The following UROD variants were observed in gnomAD, a reference collection of about 807,000 sequenced individuals.
UROD encodes the protein uroporphyrinogen decarboxylase.
Under a neutral mutation model 47.1 loss-of-function variants are expected in UROD, and 34 were observed. The ratio of observed to expected loss-of-function variants is 0.72; its 90% CI spans 0.55 to 0.96. UROD has a LOEUF of 0.96. Among genes scored for constraint, UROD ranks in the 40% least tolerant of loss-of-function variants. The probability of loss-of-function intolerance (pLI) is 0.00; values close to 1 mark genes in which losing one functional copy is unlikely to be tolerated. For synonymous variants in UROD, 148 were observed against 175.8 expected, an observed-to-expected ratio of 0.84 and a Z score of 1.25; for missense variants, 381 against 471.8, an observed-to-expected ratio of 0.81 and a Z score of 1.78.
Position 45,013,528 on chromosome 1 carries a change from T to G in UROD, c.277-66T>G. ...ATTCTCCTTTTCCTTCCTCCTGGAA[T>G]GAGCTGAACAGAACCTTTCCTCCTG... On this transcript the variant is annotated intron_variant, in intron 4 of 9. Transcript: ENST00000246337. This position sits in a 1 kb window ranked among gnomAD's most constrained non-coding sequence, Gnocchi z 4.2. The G allele has an allele frequency of 6.2e-7, 1 of 1,610,964 alleles. No homozygotes were observed.
At position 45,013,734 on chromosome 1, in the gene UROD, C is replaced by T. The variant is rs961170483; in HGVS notation, c.417C>T (p.Thr139=). Residue 139 remains threonine, a synonymous_variant, in exon 5 of 10, where the codon ACC becomes ACT. Transcript: ENST00000246337. This position sits in a 1 kb window ranked among gnomAD's most constrained non-coding sequence, Gnocchi z 4.2. The stretch of plus-strand genomic sequence containing the variant: ...TAGGCTATGTGTTCCAAGCCATCAC[C>T]CTTACCCGACAACGACTGGCTGGAC... The part of the protein sequence containing the change: ...SELGYVFQAI[T]LTRQRLAGRV... The T allele has an allele frequency of 6.2e-7, 1 of 1,614,144 alleles. No homozygotes were observed. Among genetic ancestry groups the T allele is most frequent in the Non-Finnish European group, 8.5e-7 (1 of 1,180,018 alleles).
At position 45,014,017 on chromosome 1, in the gene UROD, C is replaced by G. The variant is rs121918064; in HGVS notation, c.583C>G (p.Leu195Val). The G allele has an allele frequency of 4.3e-6, 7 of 1,614,148 alleles. No individual in the cohort carries two copies. Among genetic ancestry groups the G allele is most frequent in the Admixed American group, 1.7e-5 (1 of 60,004 alleles). Residue 195 changes from leucine (L) to valine (V), a missense_variant, in exon 6 of 10, where the codon CTC becomes GTC. Leu to Val is a conservative substitution (Grantham distance 32, BLOSUM62 1). Coordinates refer to ENST00000246337, the MANE Select transcript of UROD (RefSeq NM_000374.5). ...PQASHQLLRI[L>V]TDALVPYLVG... ...GGCTAGTCACCAGCTGCTTCGCATC[C>G]TCACTGATGCTCTGGTCCCATATCT...
chr1:45,012,885 C>A, intron 1 of UROD, 22 bp from the exon 2 acceptor site: 2 of 1,613,234 alleles, frequency 1.2e-6, no homozygotes, highest in South Asian at 2.2e-5. Flanking sequence ...GACACCTACC[C>A]CCACCCCCAC....
At chr1:45,014,358 G>A (rs1210876117) in intron 6 of UROD, 81 bp from the exon 7 acceptor site, 25 of 1,608,318 alleles carry the variant, frequency 1.6e-5, no homozygotes, top group Non-Finnish European at 2.0e-5. Flanking sequence ...AGTCATTTGG[G>A]GAAAATTGAG....
At chr1:45,015,289 CA>C in intron 9 of UROD, 47 bp from the exon 10 acceptor site, 1 of 1,610,158 alleles carries the variant, frequency 6.2e-7, no homozygotes, top group South Asian at 1.1e-5. Context: ...ATAGGGAGGA[CA>C]AAGGCTTGCT....
At position 45,015,525 on chromosome 1, in the gene UROD, C is replaced by T; in HGVS notation, c.*27C>T. 6.2e-7 allele frequency: 1 copy of T among 1,614,194 alleles called. No homozygotes were observed. The highest frequency in any genetic ancestry group is 1.7e-5 in the Admixed American group (1 of 60,028). On this transcript the variant is annotated 3_prime_UTR_variant, in exon 10 of 10. Transcript: ENST00000246337. ...TGTATACCTTTACCCTCAAGTACCA[C>T]TAACACAGATGATTGATCGTTTCCA...
chr1:45,012,289 A>G lies in UROD; in HGVS notation c.20+4A>G, dbSNP rs1212396401. 1.2e-6 allele frequency: 2 copies of G among 1,614,038 alleles called. No homozygotes were observed. The highest frequency in any genetic ancestry group is 1.7e-6 in the Non-Finnish European group (2 of 1,180,004). On this transcript the variant is annotated splice_donor_region_variant and intron_variant, in intron 1 of 9. Transcript: ENST00000246337. ...CCATGGAAGCGAATGGGTTGGGGTG[A>G]GTTCTCCAGAGCACGCGGTGTGGCT...
chr1:45,013,550 C>G lies in UROD; in HGVS notation c.277-44C>G. 2 of 1,613,456 alleles carry G rather than the reference C, an allele frequency of 1.2e-6. No homozygotes were observed. The highest frequency in any genetic ancestry group is 1.7e-4 in the Middle Eastern group (1 of 6,060). ...GAATGAGCTGAACAGAACCTTTCCT[C>G]CTGGATTCCATTTTGGGAACCCAGA... On this transcript the variant is annotated intron_variant, in intron 4 of 9. Coordinates refer to ENST00000246337, the MANE Select transcript of UROD (RefSeq NM_000374.5). The surrounding 1 kb of genome is among the most constrained non-coding windows in gnomAD (Gnocchi z 4.2).
In UROD at chr1:45,013,509, C is replaced by T. The variant is rs1644822784; in HGVS notation, c.277-85C>T. The T allele has an allele frequency of 1.2e-6, 2 of 1,607,322 alleles. No homozygotes were observed. Among genetic ancestry groups the T allele is most frequent in the South Asian group, 1.1e-5 (1 of 90,504 alleles). ...TGGAGTTTGGCAGAGTTTTATTCTC[C>T]TTTTCCTTCCTCCTGGAATGAGCTG... On this transcript the variant is annotated intron_variant, in intron 4 of 9. Transcript: ENST00000246337. This position sits in a 1 kb window ranked among gnomAD's most constrained non-coding sequence, Gnocchi z 4.2.
Position 45,013,642 on chromosome 1 carries a change from C to T in UROD, c.325C>T (p.Pro109Ser), listed in dbSNP as rs1293719117. 1 of 1,614,128 alleles carries T rather than the reference C, an allele frequency of 6.2e-7. No individual in the cohort carries two copies. The highest frequency in any genetic ancestry group is 2.2e-5 in the East Asian group (1 of 44,872). ...TMVPGKGPSF[P>S]EPLREEQDLE... ...GGTACCTGGCAAAGGACCCAGCTTCCCAGAGCCATTAAGAGAAGAGCAGGA... is the reference window on the plus strand; with the variant it reads ...GGTACCTGGCAAAGGACCCAGCTTCTCAGAGCCATTAAGAGAAGAGCAGGA... Residue 109 changes from proline to serine, a missense_variant, in exon 5 of 10, where the codon CCA (proline) becomes TCA (serine). By Grantham distance (74) the Pro-to-Ser change is moderately conservative. Coordinates refer to ENST00000246337, the MANE Select transcript of UROD (RefSeq NM_000374.5). This position sits in a 1 kb window ranked among gnomAD's most constrained non-coding sequence, Gnocchi z 4.2.
In UROD at chr1:45,014,739, A is replaced by G. The variant is rs1644834981; in HGVS notation, c.778A>G (p.Ile260Val). ...EAGLAPVPMIIFAKDGHFALE... is the reference protein window; with the variant it reads ...EAGLAPVPMIVFAKDGHFALE... ...CCTGAGATCTGCTTTTTTCTAGATC[A>G]TCTTTGCTAAGGATGGGCATTTTGC... The change falls in exon 8 of 10, where the codon ATC becomes GTC. Residue 260 changes from isoleucine to valine, a missense_variant. Physicochemically the swap from Ile to Val is conservative, Grantham distance 29. Coordinates refer to ENST00000246337, the MANE Select transcript of UROD (RefSeq NM_000374.5). 1.2e-6 allele frequency: 2 copies of G among 1,614,250 alleles called. No individual in the cohort carries two copies. The highest frequency in any genetic ancestry group is 1.7e-6 in the Non-Finnish European group (2 of 1,180,044).
At position 45,013,699 on chromosome 1, in the gene UROD, G is replaced by C. The variant is rs757854938; in HGVS notation, c.382G>C (p.Ala128Pro). 7 of 1,614,068 alleles carry C rather than the reference G, an allele frequency of 4.3e-6. No individual in the cohort carries two copies. Among genetic ancestry groups the C allele is most frequent in the African/African-American group, 1.3e-5 (1 of 74,946 alleles). ...LERLRDPEVV[A>P]SELGYVFQAI... Reference sequence around the variant, plus strand: ...ACGCCTACGGGATCCAGAAGTGGTAGCCTCTGAGCTAGGCTATGTGTTCCA... The same window carrying C: ...ACGCCTACGGGATCCAGAAGTGGTACCCTCTGAGCTAGGCTATGTGTTCCA... Residue 128 changes from alanine (A) to proline (P), a missense_variant, in exon 5 of 10, where the codon GCC (alanine) becomes CCC (proline). Ala to Pro is a conservative substitution (Grantham distance 27). Transcript: ENST00000246337. This position sits in a 1 kb window ranked among gnomAD's most constrained non-coding sequence, Gnocchi z 4.2.
At chr1:45,012,357 C>A in intron 1 of UROD, 72 bp downstream of exon 1, 2 of 1,605,424 alleles carry the variant, frequency 1.2e-6, no homozygotes, top group Non-Finnish European at 1.7e-6. Flanking sequence ...GGACTCTATC[C>A]CTCTACTCCC....
intron 7 of UROD, 28 bp downstream of exon 7, chr1:45,014,604 G>A (rs1378129824): frequency 6.2e-7 from 1 of 1,614,086 alleles, no homozygotes; most frequent in South Asian, 1.1e-5. Flanking sequence ...TTGAGTGAAG[G>A]TGGTCCTGTG....
In UROD at chr1:45,014,745, G is replaced by T; in HGVS notation, c.784G>T (p.Ala262Ser). ...ATCTGCTTTTTTCTAGATCATCTTT[G>T]CTAAGGATGGGCATTTTGCCCTGGA... ...GLAPVPMIIFAKDGHFALEEL... is the reference protein window; with the variant it reads ...GLAPVPMIIFSKDGHFALEEL... Residue 262 changes from alanine to serine, a missense_variant, in exon 8 of 10, where the codon GCT (alanine) becomes TCT (serine). By Grantham distance (99) the Ala-to-Ser change is moderately conservative (BLOSUM62 1). Coordinates refer to ENST00000246337, the MANE Select transcript of UROD (RefSeq NM_000374.5). 6.2e-7 allele frequency: 1 copy of T among 1,614,236 alleles called. No individual in the cohort carries two copies. Among genetic ancestry groups the T allele is most frequent in the South Asian group, 1.1e-5 (1 of 91,086 alleles).
chr1:45,015,116 C>G (rs1644839145), intron 9 of UROD, 110 bp downstream of exon 9: 8 of 1,554,768 alleles, frequency 5.1e-6, no homozygotes, highest in Non-Finnish European at 7.0e-6. Context: ...TTCTTCTACT[C>G]TGTACAACAT....
At chr1:45,012,369 T>A (rs1644807359) in intron 1 of UROD, 84 bp downstream of exon 1, 12 of 1,597,562 alleles carry the variant, frequency 7.5e-6, no homozygotes, top group Non-Finnish European at 1.0e-5. Flanking sequence ...TCTACTCCCC[T>A]TTCCCCACCC....
At chr1:45,014,645 G>C in intron 7 of UROD, 69 bp downstream of exon 7, 1 of 1,613,552 alleles carries the variant, frequency 6.2e-7, no homozygotes, top group Non-Finnish European at 8.5e-7. Flanking sequence ...GCATGGACTG[G>C]AGTGACCACT....
intron 6 of UROD, 69 bp downstream of exon 6, chr1:45,014,139 AACCT>A: frequency 1.2e-6 from 2 of 1,608,432 alleles, no homozygotes; most frequent in Non-Finnish European, 1.7e-6. Context: ...GAGTGTCCTA[AACCT>A]GAGAGGGCAG....
Sources: allele counts gnomAD v4.1 joint callset, GRCh38; gene constraint gnomAD v4.1.1; non-coding constraint Gnocchi (gnomAD v3.1); transcripts MANE v1.5; gene names NCBI Gene and HGNC (gene_info 2026-07-23, HGNC 2026-07-21).